Variants in ST6GALNAC5 observed in about 807,000 individuals in gnomAD.
ST6GALNAC5 encodes alpha-N-acetylgalactosaminide alpha-2,6-sialyltransferase 5.
Under a neutral mutation model 33.6 loss-of-function variants are expected in ST6GALNAC5, and 27 were observed. That is an observed-to-expected ratio of 0.80 (90% CI 0.59 to 1.11). The LOEUF (loss-of-function observed/expected upper bound fraction) is 1.11. Among genes scored for constraint, ST6GALNAC5 ranks in the 50% least tolerant of loss-of-function variants. The probability of loss-of-function intolerance (pLI) is 0.00; values close to 1 mark genes in which losing one functional copy is unlikely to be tolerated. For missense variants in ST6GALNAC5, 428 were observed against 454.0 expected (o/e 0.94, Z 0.52); for synonymous variants, 194 against 171.2 (o/e 1.13, Z -1.04).
chr1:76,906,081 C>T (rs1448266278), intron 2 of ST6GALNAC5, among the ~76,000 whole-genome samples: 2 of 152,154 alleles, frequency 1.3e-5, no homozygotes, highest in Admixed American at 1.3e-4. Flanking sequence ...ATAATGAACC[C>T]TCCCTTTTTC....
chr1:76,882,648 T>A, intron 2 of ST6GALNAC5, among the ~76,000 whole-genome samples: 2 of 152,282 alleles, frequency 1.3e-5, no homozygotes, highest in African/African-American at 4.8e-5. Context: ...CAGACTGAAA[T>A]GCAGTGCCAA....
At position 77,066,166 on chromosome 1, in the gene ST6GALNAC5, A is replaced by T. The variant is rs1652772501; in HGVS notation, c.*2960A>T. On this transcript the variant is annotated 3_prime_UTR_variant, in exon 5 of 5. Transcript: ENST00000477717. ...GCAACTAAGTCCCTGTGCTTTGCTA[A>T]CCCTGGTGTGTACTCCTAAGGGCTA... 6.6e-6 allele frequency among the ~76,000 whole-genome samples: 1 copy of T among 152,146 alleles called. No individual in the cohort carries two copies. Among genetic ancestry groups the T allele is most frequent in the Non-Finnish European group, 1.5e-5 (1 of 68,028 alleles).
intron 2 of ST6GALNAC5, among the ~76,000 whole-genome samples, chr1:76,999,090 T>C (rs1250125869): frequency 6.6e-6 from 1 of 152,156 alleles, no homozygotes; most frequent in East Asian, 1.9e-4. Flanking sequence ...AGGTTAAAAT[T>C]ACCTTTTGGA....
chr1:76,992,228 C>G (rs1570746384), intron 2 of ST6GALNAC5, among the ~76,000 whole-genome samples: 1 of 152,142 alleles, frequency 6.6e-6, no homozygotes, highest in East Asian at 1.9e-4. Flanking sequence ...ATGAGTAACT[C>G]TATGTCTTTT....
chr1:76,930,612 T>C (rs1327319651), intron 2 of ST6GALNAC5, among the ~76,000 whole-genome samples: 1 of 152,140 alleles, frequency 6.6e-6, no homozygotes, highest in Non-Finnish European at 1.5e-5. Flanking sequence ...GATTCTGAAA[T>C]GGATGGCAAG....
At chr1:76,889,133 T>C (rs1276619851) in intron 2 of ST6GALNAC5, among the ~76,000 whole-genome samples, 1 of 152,114 alleles carries the variant, frequency 6.6e-6, no homozygotes, top group African/African-American at 2.4e-5. Flanking sequence ...TTAGATTCCA[T>C]TTATAAGTGA....
intron 2 of ST6GALNAC5, among the ~76,000 whole-genome samples, chr1:77,008,814 G>A (rs1166902307): frequency 6.6e-6 from 1 of 152,188 alleles, no homozygotes; most frequent in Non-Finnish European, 1.5e-5. Context: ...ACAGGCGTGA[G>A]CCACCATCCC....
chr1:76,976,319 A>G (rs1392493220), intron 2 of ST6GALNAC5, among the ~76,000 whole-genome samples: 1 of 152,140 alleles, frequency 6.6e-6, no homozygotes. Flanking sequence ...GAATTTAAAA[A>G]TTATTTGCTT....
chr1:76,912,345 C>G (rs377352267), intron 2 of ST6GALNAC5, among the ~76,000 whole-genome samples: 2 of 152,096 alleles, frequency 1.3e-5, no homozygotes, highest in East Asian at 1.9e-4. Context: ...TTACTTCCAA[C>G]TATGTGGTCA....
At chr1:77,011,388 G>A (rs1014508479) in intron 2 of ST6GALNAC5, among the ~76,000 whole-genome samples, 3 of 152,146 alleles carry the variant, frequency 2.0e-5, no homozygotes, top group East Asian at 1.9e-4. Flanking sequence ...TGGAGTCATC[G>A]AGTGCTCATT....
chr1:76,888,089 G>A (rs533427158), intron 2 of ST6GALNAC5, among the ~76,000 whole-genome samples: 1 of 152,302 alleles, frequency 6.6e-6, no homozygotes, highest in South Asian at 2.1e-4. Context: ...AATGGTATTA[G>A]ACACAACCGT....
intron 2 of ST6GALNAC5, among the ~76,000 whole-genome samples, chr1:77,006,362 C>A (rs902513160): frequency 7.2e-6 from 1 of 138,160 alleles, no homozygotes; most frequent in African/African-American, 2.7e-5. Flanking sequence ...GAGTCTCACT[C>A]TGTCACCCAG....
At chr1:76,885,505 G>C (rs1653872720) in intron 2 of ST6GALNAC5, among the ~76,000 whole-genome samples, 1 of 152,110 alleles carries the variant, frequency 6.6e-6, no homozygotes, top group Admixed American at 6.5e-5. Context: ...TTGGATATGT[G>C]GGGTTTATGT....
At chr1:77,025,073 C>T (rs1009379218) in intron 2 of ST6GALNAC5, among the ~76,000 whole-genome samples, 1 of 152,164 alleles carries the variant, frequency 6.6e-6, no homozygotes, top group Non-Finnish European at 1.5e-5. Flanking sequence ...ACTGGAAAGC[C>T]TGATCGATTC....
intron 2 of ST6GALNAC5, among the ~76,000 whole-genome samples, chr1:76,870,583 G>C (rs1211359463): frequency 6.6e-6 from 1 of 152,058 alleles, no homozygotes; most frequent in South Asian, 2.1e-4. Flanking sequence ...TTCAATTTTT[G>C]TTTATCAGAG....
chr1:77,043,464 C>G (rs1175267520), intron 2 of ST6GALNAC5, among the ~76,000 whole-genome samples: 1 of 152,192 alleles, frequency 6.6e-6, no homozygotes, highest in African/African-American at 2.4e-5. Context: ...CAATTCCTAG[C>G]TGGGGTCTGT....
Position 76,868,871 on chromosome 1 carries a change from C to T in ST6GALNAC5, c.261+129C>T. 1 of 1,375,822 alleles carries T rather than the reference C, an allele frequency of 7.3e-7. No homozygotes were observed. The highest frequency in any genetic ancestry group is 9.5e-7 in the Non-Finnish European group (1 of 1,056,216). 85.2% of individuals were successfully genotyped at this position (1,375,822 alleles called of 1,614,324 possible). ...TTCGAAGGCTGGAGGGGAGTGGACC[C>T]GCTGGGGTAGGGTGGGCTAGTTCCA... On this transcript the variant is annotated intron_variant, in intron 2 of 4. Transcript: ENST00000477717. The surrounding 1 kb of genome is among the most constrained non-coding windows in gnomAD (Gnocchi z 4.3).
chr1:77,037,843 G>C (rs2100455365), intron 2 of ST6GALNAC5, among the ~76,000 whole-genome samples: 1 of 152,250 alleles, frequency 6.6e-6, no homozygotes, highest in Non-Finnish European at 1.5e-5. Context: ...ATATGTAGTA[G>C]GATAGACCCA....
intron 2 of ST6GALNAC5, among the ~76,000 whole-genome samples, chr1:76,958,949 C>CGG (rs1557737096): frequency 6.6e-6 from 1 of 152,078 alleles, no homozygotes; most frequent in Non-Finnish European, 1.5e-5. Flanking sequence ...ATTTTCTTAC[C>CGG]GGGAATGATT....
Sources: gnomAD v4.1 joint callset for allele counts (sites outside exome capture counted in the v4.1 genomes callset) on GRCh38, gnomAD v4.1.1 for gene constraint, Gnocchi (gnomAD v3.1) non-coding constraint, MANE v1.5 for transcripts, NCBI Gene and HGNC (gene_info 2026-07-23, HGNC 2026-07-21) for gene names.